Variants in PCDHA4 observed in about 807,000 individuals in gnomAD.
The protein encoded by PCDHA4 is protocadherin alpha-4.
In PCDHA4, 49 loss-of-function variants were observed where a neutral mutation model predicts 61.4. The ratio of observed to expected loss-of-function variants is 0.80; its 90% confidence interval spans 0.63 to 1.01. PCDHA4 has a LOEUF of 1.01. Ranked by LOEUF, PCDHA4 falls within the 50% of genes least tolerant of loss-of-function variation. PCDHA4 has a pLI of 0.00. For missense variants in PCDHA4, 1,254 were observed against 1,235.8 expected (o/e 1.01, Z -0.22); for synonymous variants, 590 against 550.3 (o/e 1.07, Z -1.01).
chr5:140,870,626 C>G lies in PCDHA4; in HGVS notation c.2385+61054C>G, dbSNP rs782773688. Reference sequence around the variant, plus strand: ...GACCGCGCGCTGTCGAGCTACGTGTCGGTGCACGCGGAGAGCGGCAAGGTG... The same window carrying G: ...GACCGCGCGCTGTCGAGCTACGTGTGGGTGCACGCGGAGAGCGGCAAGGTG... On this transcript the variant is annotated intron_variant, in intron 1 of 3. Coordinates refer to ENST00000530339, the MANE Select transcript of PCDHA4 (RefSeq NM_018907.4). 15 of 1,613,016 alleles carry G rather than the reference C, an allele frequency of 9.3e-6. No individual in the cohort carries two copies. The highest frequency in any genetic ancestry group is 1.1e-5 in the Non-Finnish European group (13 of 1,179,794).
At chr5:141,002,583 C>T (rs781898349) in intron 3 of PCDHA4, among the ~76,000 whole-genome samples, 6 of 152,176 alleles carry the variant, frequency 3.9e-5, no homozygotes, top group Non-Finnish European at 7.3e-5. Context: ...GACCATTAGT[C>T]CTTAGTCCCC....
intron 1 of PCDHA4, among the ~76,000 whole-genome samples, chr5:140,972,181 AC>A: frequency 6.6e-6 from 1 of 152,234 alleles, no homozygotes; most frequent in Admixed American, 6.5e-5. Flanking sequence ...TTGGCCTGTC[AC>A]CCAGGCTGGA....
intron 1 of PCDHA4, chr5:140,834,180 C>T: frequency 1.8e-6 from 1 of 562,966 alleles, no homozygotes; most frequent in East Asian, 2.8e-5. Context: ...ATGATGGCCA[C>T]ATGATGTCGC....
At chr5:140,811,517 T>C (rs1355784236) in intron 1 of PCDHA4, 4 of 152,238 alleles carry the variant, frequency 2.6e-5, no homozygotes, top group Non-Finnish European at 5.9e-5. Flanking sequence ...CCTTTAGATA[T>C]ATACCCAGTA....
intron 1 of PCDHA4, chr5:140,825,356 T>G (rs1768522670): frequency 6.8e-6 from 1 of 147,500 alleles, no homozygotes. Context: ...CTAATATATA[T>G]TAGATATATA....
At chr5:140,821,108 T>G (rs1766899044) in intron 1 of PCDHA4, among the ~76,000 whole-genome samples, 1 of 152,118 alleles carries the variant, frequency 6.6e-6, no homozygotes, top group Non-Finnish European at 1.5e-5. Context: ...ATGTCACTAT[T>G]AAACAGTGAA....
chr5:140,980,428 G>A (rs868912779), intron 2 of PCDHA4, among the ~76,000 whole-genome samples: 5 of 152,028 alleles, frequency 3.3e-5, no homozygotes, highest in Admixed American at 2.6e-4. Flanking sequence ...TCAAGAGATC[G>A]AGACCATCCT....
chr5:140,824,637 T>TTTC (rs1768307351), intron 1 of PCDHA4: 2 of 145,312 alleles, frequency 1.4e-5, no homozygotes, highest in Non-Finnish European at 2.9e-5. Flanking sequence ...TTTTTTATTT[T>TTTC]CTGTAGAGAT....
chr5:140,937,442 A>AAAATATCATTTTAAAATATCATTAT (rs2091531773), intron 1 of PCDHA4, among the ~76,000 whole-genome samples: 1 of 152,160 alleles, frequency 6.6e-6, no homozygotes, highest in Non-Finnish European at 1.5e-5. Context: ...ATGCTATTTT[A>AAAATATCATTTTAAAATATCATTAT]AAAGTTTAAT....
intron 3 of PCDHA4, among the ~76,000 whole-genome samples, chr5:140,998,657 T>G (rs1252646330): frequency 6.6e-6 from 1 of 151,974 alleles, no homozygotes; most frequent in African/African-American, 2.4e-5. Flanking sequence ...CTCTGCCTCC[T>G]GGGTTCAAGT....
intron 1 of PCDHA4, among the ~76,000 whole-genome samples, chr5:140,915,168 C>T (rs181934284): frequency 6.0e-4 from 92 of 152,112 alleles, no homozygotes; most frequent in Middle Eastern, 3.4e-3. Context: ...AGGATAGTCT[C>T]GATCTCTTGA....
chr5:140,979,130 A>C, intron 2 of PCDHA4, 123 bp downstream of exon 2: 1 of 1,473,242 alleles, frequency 6.8e-7, no homozygotes, highest in Admixed American at 2.7e-5. Flanking sequence ...TTTGCCAGGA[A>C]AATGCAATTA....
At chr5:140,927,720 G>A in intron 1 of PCDHA4, 6 of 1,614,174 alleles carry the variant, frequency 3.7e-6, no homozygotes, top group Non-Finnish European at 4.2e-6. Context: ...GCAACAGCAC[G>A]CAAGCAGAGC....
At chr5:140,904,974 T>C (rs537444148) in intron 1 of PCDHA4, among the ~76,000 whole-genome samples, 97 of 152,356 alleles carry the variant, frequency 6.4e-4, no homozygotes, top group African/African-American at 2.2e-3. Context: ...GTGACTATTT[T>C]CTCCCACTCT....
chr5:140,913,167 T>C (rs1232000053), intron 1 of PCDHA4, among the ~76,000 whole-genome samples: 1 of 152,196 alleles, frequency 6.6e-6, no homozygotes, highest in Non-Finnish European at 1.5e-5. Flanking sequence ...TTGGTATTAG[T>C]TCTTCTTTAA....
At chr5:140,927,903 C>T in intron 1 of PCDHA4, 1 of 1,614,158 alleles carries the variant, frequency 6.2e-7, no homozygotes, top group South Asian at 1.1e-5. Flanking sequence ...ACGATCATGC[C>T]CCCGAACTGG....
At chr5:140,824,609 A>ATTTTTT (rs1554129932) in intron 1 of PCDHA4, 2 of 76,944 alleles carry the variant, frequency 2.6e-5, no homozygotes, top group Admixed American at 1.4e-4. Context: ...TGCTAATTAA[A>ATTTTTT]GTTTTTTTTT....
intron 1 of PCDHA4, chr5:140,847,633 C>T (rs2150402485): frequency 0.65 from 96,440 of 148,450 alleles, 34,032 homozygotes; most frequent in African/African-American, 0.71. Context: ...ATATTGGAGA[C>T]TACAAAGAAG....
rs1307872758 is a variant in PCDHA4, at chr5:140,858,559, T to A, written c.2385+48987T>A. The A allele has an allele frequency of 2.2e-6, 3 of 1,382,404 alleles. No homozygotes were observed. The African/African-American group carries it at 4.3e-5, about 20-fold the overall frequency. The allele number at this position is 1,382,404 out of a possible 1,614,324, so 85.6% of individuals were successfully genotyped here. On this transcript the variant is annotated intron_variant, in intron 1 of 3. Coordinates refer to ENST00000530339, the MANE Select transcript of PCDHA4 (RefSeq NM_018907.4). The stretch of plus-strand genomic sequence containing the variant: ...CTACATTCCATTTATGCTTGAATAT[T>A]TCTAGTGATACCTTTGTAATATAAT...
Sources: gnomAD v4.1 joint callset for allele counts (sites outside exome capture counted in the v4.1 genomes callset) on GRCh38, gnomAD v4.1.1 for gene constraint, MANE v1.5 for transcripts, NCBI Gene and HGNC (gene_info 2026-07-23, HGNC 2026-07-21) for gene names.